Variants in MVD observed in about 807,000 individuals in gnomAD.
MVD encodes the protein mevalonate diphosphate decarboxylase.
Under a neutral mutation model 42.4 loss-of-function variants are expected in MVD, and 52 were observed. The ratio of observed to expected loss-of-function variants is 1.23; its 90% CI spans 0.98 to 1.55. The LOEUF is 1.55. Ranked by LOEUF, MVD falls within the 40% of genes most tolerant of loss-of-function variation. The pLI is 0.00. For synonymous variants in MVD, 287 were observed against 243.2 expected (o/e 1.18, Z -1.68); for missense variants, 663 against 572.1 (o/e 1.16, Z -1.62).
intron 1 of MVD, among the ~76,000 whole-genome samples, chr16:88,662,461 G>T (rs967505334): frequency 2.0e-5 from 3 of 152,246 alleles, no homozygotes; most frequent in African/African-American, 7.2e-5. Flanking sequence ...GGAGGGGCGG[G>T]GCTGTGAACG....
At chr16:88,653,811 C>T (rs899684802) in intron 8 of MVD, among the ~76,000 whole-genome samples, 5 of 152,112 alleles carry the variant, frequency 3.3e-5, no homozygotes, top group Non-Finnish European at 2.9e-5. Flanking sequence ...TTCTGCAGAA[C>T]AGCGGAAGCC....
chr16:88,652,677 C>T (rs547051447), intron 9 of MVD, 72 bp from the exon 10 acceptor site: 30 of 1,400,456 alleles, frequency 2.1e-5, no homozygotes, highest in African/African-American at 2.9e-5. Context: ...TCTGTAGGGC[C>T]GGACACAGGA....
rs374374973 is a variant in MVD at position 88,652,798 on chromosome 16, G to A, written c.1123-193C>T. Among the ~76,000 whole-genome samples, 8 of 152,260 alleles carry A rather than the reference G, an allele frequency of 5.3e-5. No individual in the cohort carries two copies. In the East Asian group the frequency reaches 7.7e-4, roughly 15 times the overall value. On this transcript the variant is annotated intron_variant, in intron 9 of 9. Transcript: ENST00000301012. ...AGGCACAGCCGCCCCTGCCAGCTGC[G>A]AGCCCCCTGCCCTGGGCACTGCTTC...
chr16:88,655,078 G>A (rs1907817227), intron 7 of MVD, 121 bp downstream of exon 7: 1 of 1,223,844 alleles, frequency 8.2e-7, no homozygotes, highest in Non-Finnish European at 1.1e-6. Flanking sequence ...GCACACAGCA[G>A]GGTGGAGCTT....
In MVD at chr16:88,657,425, T is replaced by C; in HGVS notation, c.403+11A>G. 1 of 1,591,994 alleles carries C rather than the reference T, an allele frequency of 6.3e-7. No individual in the cohort carries two copies. The highest frequency in any genetic ancestry group is 1.1e-5 in the South Asian group (1 of 88,362). On this transcript the variant is annotated intron_variant, in intron 4 of 9. Coordinates refer to ENST00000301012, the MANE Select transcript of MVD (RefSeq NM_002461.3). ...AGCCCAGAACCCCTGCGGGTCTCTG[T>C]GGGCACCCACCTAGGCAGGCATAGC...
At chr16:88,655,590 G>C in intron 6 of MVD, 66 bp downstream of exon 6, 1 of 1,533,492 alleles carries the variant, frequency 6.5e-7, no homozygotes, top group Non-Finnish European at 8.8e-7. Context: ...CCAGACAGAG[G>C]CTGAGGGCAG....
chr16:88,655,993 C>A, intron 5 of MVD, 112 bp downstream of exon 5: 2 of 1,415,548 alleles, frequency 1.4e-6, no homozygotes, highest in Non-Finnish European at 1.9e-6. Flanking sequence ...CCCCGCTGAC[C>A]CCAGGAGCCA....
rs371505457 is a variant in MVD, at chr16:88,655,163, C to A, written c.897+36G>T. On this transcript the variant is annotated intron_variant, in intron 7 of 9. Coordinates refer to ENST00000301012, the MANE Select transcript of MVD (RefSeq NM_002461.3). ...GCACAAGCCTAGACACGCGCTACAG[C>A]GCGAGCGCAGCCTCTGCCCTCCCGG... 2.6e-4 allele frequency: 402 copies of A among 1,546,550 alleles called. 2 individuals are homozygous for A. The African/African-American group carries it at 4.8e-3, about 19-fold the overall frequency.
In MVD at chr16:88,655,398, A is replaced by G; in HGVS notation, c.698T>C (p.Val233Ala). The G allele has an allele frequency of 6.3e-7, 1 of 1,585,338 alleles. No individual in the cohort carries two copies. Among genetic ancestry groups the G allele is most frequent in the Non-Finnish European group, 8.6e-7 (1 of 1,168,664 alleles). Residue 233 changes from valine (V) to alanine (A), a missense_variant, in exon 7 of 10, where the codon GTG (valine) becomes GCG (alanine). Val to Ala is a moderately conservative substitution (Grantham distance 64). Transcript: ENST00000301012. ...PLLRFRAESV[V>A]PARMAEMARC... Reference sequence around the variant, plus strand: ...GGCCATCTCCGCCATGCGCGCGGGCACCACGGACTCGGCCCGGAACTGCAA... The same window carrying G: ...GGCCATCTCCGCCATGCGCGCGGGCGCCACGGACTCGGCCCGGAACTGCAA...
At chr16:88,659,550 G>A (rs1274946587) in intron 1 of MVD, among the ~76,000 whole-genome samples, 1 of 152,212 alleles carries the variant, frequency 6.6e-6, no homozygotes, top group South Asian at 2.1e-4. Context: ...CTGTGGGACA[G>A]TGCAGGGGGA....
intron 1 of MVD, among the ~76,000 whole-genome samples, chr16:88,659,708 G>A (rs547537406): frequency 1.8e-4 from 28 of 152,306 alleles, no homozygotes; most frequent in African/African-American, 6.5e-4. Context: ...GCTCACGCCT[G>A]TAATCCCAGC....
At chr16:88,657,719 A>C (rs1203718020) in intron 3 of MVD, 137 bp from the exon 4 acceptor site, 13 of 1,380,684 alleles carry the variant, frequency 9.4e-6, no homozygotes, top group Non-Finnish European at 1.1e-5. Flanking sequence ...CTTACCCGGG[A>C]AAACCCCAGA....
chr16:88,657,060 T>A (rs547156778), intron 4 of MVD: 1 of 387,436 alleles, frequency 2.6e-6, no homozygotes, highest in Admixed American at 3.5e-5. Context: ...TTTGAAGTGG[T>A]TTCTATCACT....
chr16:88,657,680 C>T, intron 3 of MVD, 98 bp from the exon 4 acceptor site: 1 of 1,513,818 alleles, frequency 6.6e-7, no homozygotes, highest in Non-Finnish European at 9.0e-7. Context: ...CACCAGGCCT[C>T]TGCCTGCCAG....
rs1377932718 is a variant in MVD at position 88,655,149 on chromosome 16, G to A, written c.897+50C>T. 5.9e-6 allele frequency: 9 copies of A among 1,537,334 alleles called. 1 individual carries two copies. In the South Asian group the frequency reaches 1.1e-4, roughly 18 times the overall value. On this transcript the variant is annotated intron_variant, in intron 7 of 9. Coordinates refer to ENST00000301012, the MANE Select transcript of MVD (RefSeq NM_002461.3). ...CCGTCTCCACGGCAGCACAAGCCTAGACACGCGCTACAGCGCGAGCGCAGC... is the reference window on the plus strand; with the variant it reads ...CCGTCTCCACGGCAGCACAAGCCTAAACACGCGCTACAGCGCGAGCGCAGC...
chr16:88,657,790 G>C lies in MVD; in HGVS notation c.256+125C>G, dbSNP rs573458502. 4.8e-6 allele frequency: 6 copies of C among 1,261,474 alleles called. No homozygotes were observed. In the East Asian group the frequency reaches 1.5e-4, roughly 31 times the overall value. The allele number at this position is 1,261,474 out of a possible 1,614,324, so 78.1% of individuals were successfully genotyped here. On this transcript the variant is annotated intron_variant, in intron 3 of 9. Coordinates refer to ENST00000301012, the MANE Select transcript of MVD (RefSeq NM_002461.3). ...CTGCCCTGGAGCTGGCGGCCCAGCGGGCATGTCTGGTTCCCAGCCACCCCG... is the reference window on the plus strand; with the variant it reads ...CTGCCCTGGAGCTGGCGGCCCAGCGCGCATGTCTGGTTCCCAGCCACCCCG...
chr16:88,654,354 C>T (rs767005442), intron 8 of MVD, among the ~76,000 whole-genome samples: 7 of 152,226 alleles, frequency 4.6e-5, no homozygotes, highest in South Asian at 4.1e-4. Context: ...CGGACACTTA[C>T]GCACACATCT....
chr16:88,661,325 C>T (rs6500487), intron 1 of MVD, among the ~76,000 whole-genome samples: 84,547 of 152,016 alleles, frequency 0.56, 24,624 homozygotes, highest in South Asian at 0.78. Flanking sequence ...AAAAGATTAG[C>T]TAGTTTGGGA....
chr16:88,653,187 G>T (rs1038536817), intron 9 of MVD, 113 bp downstream of exon 9: 5 of 791,630 alleles, frequency 6.3e-6, no homozygotes, highest in Non-Finnish European at 8.2e-6. Context: ...CTTCCTGCCT[G>T]AGACACGGTA....
Sources: gnomAD v4.1 joint callset for allele counts (sites outside exome capture counted in the v4.1 genomes callset) on GRCh38, gnomAD v4.1.1 for gene constraint, MANE v1.5 for transcripts, NCBI Gene and HGNC (gene_info 2026-07-23, HGNC 2026-07-21) for gene names.